APPL2: variants seen among roughly 807,000 people sequenced by gnomAD.
APPL2 encodes the protein adaptor protein, phosphotyrosine interacting with PH domain and leucine zipper 2.
Under a neutral mutation model 92.7 loss-of-function variants are expected in APPL2, and 84 were observed. That is an observed-to-expected ratio of 0.91 (90% CI 0.76 to 1.09). The LOEUF is 1.09. APPL2 is among the 50% of genes least tolerant of loss of function. The pLI is 0.00. For synonymous variants in APPL2, 291 were observed against 291.0 expected, an observed-to-expected ratio of 1.00 and a Z score of 0.00; for missense variants, 736 against 824.5, an observed-to-expected ratio of 0.89 and a Z score of 1.31.
chr12:105,189,910 A>C, intron 15 of APPL2, 81 bp downstream of exon 15: 1 of 1,611,078 alleles, frequency 6.2e-7, no homozygotes, highest in Non-Finnish European at 8.5e-7. Context: ...GAATGGCAAC[A>C]GTCTTTGGTG....
intron 4 of APPL2, 23 bp downstream of exon 4, chr12:105,217,046 A>T: frequency 6.5e-7 from 1 of 1,536,560 alleles, no homozygotes; most frequent in South Asian, 1.2e-5. Context: ...ATCAAATACA[A>T]ATTTTCTATG....
chr12:105,222,084 G>A (rs115506739), intron 2 of APPL2, among the ~76,000 whole-genome samples: 107 of 152,296 alleles, frequency 7.0e-4, no homozygotes, highest in African/African-American at 2.4e-3. Flanking sequence ...GTCACGGGTC[G>A]CACTAGTTCA....
chr12:105,174,093 T>TA lies in APPL2; in HGVS notation c.*220dup, dbSNP rs1885240321. 8.6e-6 allele frequency: 4 copies of TA among 463,120 alleles called. No individual in the cohort carries two copies. Among genetic ancestry groups the TA allele is most frequent in the Non-Finnish European group, 1.4e-5 (4 of 276,978 alleles). The allele number at this position is 463,120 out of a possible 1,614,324, so 28.7% of individuals were successfully genotyped here. The stretch of plus-strand genomic sequence containing the variant: ...TTAGCGCAATCTAAGAAAAAAGACT[T>TA]ACCACAAAGCACCTAAAATAACATT... On this transcript the variant is annotated 3_prime_UTR_variant, in exon 21 of 21. Coordinates refer to ENST00000258530, the MANE Select transcript of APPL2 (RefSeq NM_018171.5).
At chr12:105,174,649 A>C (rs1055031954) in intron 20 of APPL2, among the ~76,000 whole-genome samples, 4 of 152,088 alleles carry the variant, frequency 2.6e-5, no homozygotes, top group African/African-American at 9.7e-5. Context: ...TCTGAGCCAA[A>C]ATATTGTTTA....
At chr12:105,181,648 C>T (rs960085792) in intron 17 of APPL2, among the ~76,000 whole-genome samples, 8 of 151,988 alleles carry the variant, frequency 5.3e-5, no homozygotes, top group Non-Finnish European at 7.4e-5. Context: ...AACTTGTTAT[C>T]GGTCTATTCA....
intron 2 of APPL2, among the ~76,000 whole-genome samples, chr12:105,223,827 G>C (rs1417849543): frequency 6.6e-6 from 1 of 152,180 alleles, no homozygotes; most frequent in Non-Finnish European, 1.5e-5. Context: ...AGCAGAGACT[G>C]ATCTTAGCAT....
At chr12:105,231,647 G>A (rs1261456586) in intron 1 of APPL2, among the ~76,000 whole-genome samples, 2 of 152,196 alleles carry the variant, frequency 1.3e-5, no homozygotes, top group Non-Finnish European at 2.9e-5. Flanking sequence ...AGCCCTGACT[G>A]GAGGCAGGAC....
intron 14 of APPL2, among the ~76,000 whole-genome samples, chr12:105,193,028 C>G: frequency 6.6e-6 from 1 of 152,212 alleles, no homozygotes; most frequent in East Asian, 1.9e-4. Context: ...GAGATAGTAT[C>G]CCTCTCCCCA....
chr12:105,184,283 G>A (rs888642839), intron 17 of APPL2, among the ~76,000 whole-genome samples: 7 of 152,126 alleles, frequency 4.6e-5, no homozygotes, highest in Admixed American at 6.5e-5. Flanking sequence ...CTCATTCTCC[G>A]TCCAATTTTG....
intron 3 of APPL2, 68 bp from the exon 4 acceptor site, chr12:105,217,208 T>G: frequency 9.6e-7 from 1 of 1,040,312 alleles, no homozygotes; most frequent in Non-Finnish European, 1.5e-6. Context: ...AAGCATCACC[T>G]GCAGAACACG....
chr12:105,234,637 G>C lies in APPL2; in HGVS notation c.54+1322C>G, dbSNP rs188699147. ...TTTCTGTGCACCTCAGTTTCCATAA[G>C]TGCAAGGCAAACAGAGATCCTTGTT... On this transcript the variant is annotated intron_variant, in intron 1 of 20. Transcript: ENST00000258530. Among the ~76,000 whole-genome samples, 34 of 152,320 alleles carry C rather than the reference G, an allele frequency of 2.2e-4. No homozygotes were observed. The East Asian group carries it at 6.4e-3, about 28-fold the overall frequency.
chr12:105,219,612 T>A (rs565248429), intron 2 of APPL2, among the ~76,000 whole-genome samples: 2 of 152,352 alleles, frequency 1.3e-5, no homozygotes, highest in African/African-American at 4.8e-5. Flanking sequence ...TTTAAAACAA[T>A]ACCTGAAATC....
chr12:105,189,548 C>T (rs1441631447), intron 16 of APPL2, among the ~76,000 whole-genome samples: 2 of 152,190 alleles, frequency 1.3e-5, no homozygotes, highest in South Asian at 4.1e-4. Context: ...GCTACAAAAA[C>T]GCTATGGCTA....
chr12:105,216,941 A>T lies in APPL2; in HGVS notation c.285+128T>A, dbSNP rs543422338. On this transcript the variant is annotated intron_variant, in intron 4 of 20. Transcript: ENST00000258530. ...CCTCTCCTAGGAAAGGAGCTTTGTA[A>T]GATCAAGAAGTTGAGATACCTTCTC... 142 of 643,742 alleles carry T rather than the reference A, an allele frequency of 2.2e-4. 1 individual carries two copies. In the Middle Eastern group the frequency reaches 3.1e-3, roughly 14 times the overall value. 39.9% of individuals were successfully genotyped at this position (643,742 alleles called of 1,614,324 possible).
At chr12:105,183,165 G>T (rs1886282410) in intron 17 of APPL2, among the ~76,000 whole-genome samples, 1 of 148,912 alleles carries the variant, frequency 6.7e-6, no homozygotes, top group Admixed American at 6.7e-5. Context: ...CACATGAGAT[G>T]GGTCTCCTGA....
At chr12:105,220,612 GACTGGT>G (rs1310836201) in intron 2 of APPL2, among the ~76,000 whole-genome samples, 1 of 152,098 alleles carries the variant, frequency 6.6e-6, no homozygotes, top group Non-Finnish European at 1.5e-5. Flanking sequence ...CTCCTTCAGA[GACTGGT>G]CAACACATAT....
intron 2 of APPL2, among the ~76,000 whole-genome samples, chr12:105,226,837 A>G (rs1179576553): frequency 6.6e-6 from 1 of 152,258 alleles, no homozygotes; most frequent in Admixed American, 6.5e-5. Flanking sequence ...AGGTGAACAC[A>G]TAATTCTTTT....
intron 11 of APPL2, 48 bp from the exon 12 acceptor site, chr12:105,195,675 A>G: frequency 6.3e-7 from 1 of 1,595,264 alleles, no homozygotes; most frequent in South Asian, 1.1e-5. Context: ...GATCTCAGTG[A>G]CTGGGAATTT....
chr12:105,176,070 T>A lies in APPL2; in HGVS notation c.1825A>T (p.Ile609Phe). 4 of 1,591,582 alleles carry A rather than the reference T, an allele frequency of 2.5e-6. 1 individual carries two copies. In the South Asian group the frequency reaches 4.7e-5, roughly 19 times the overall value. The change falls in exon 20 of 21, where the codon ATT (isoleucine) becomes TTT (phenylalanine). Residue 609 changes from isoleucine (I) to phenylalanine (F), a missense_variant. Coordinates refer to ENST00000258530, the MANE Select transcript of APPL2 (RefSeq NM_018171.5). ...TCAATAATTTCTTTTCCCAAATTAA[T>A]AGCATAACATATCTGCAAAAGACAA... ...NSEGEKICYA[I>F]NLGKEIIEVQ...
Sources: gnomAD v4.1 joint callset for allele counts (sites outside exome capture counted in the v4.1 genomes callset) on GRCh38, gnomAD v4.1.1 for gene constraint, MANE v1.5 for transcripts, NCBI Gene and HGNC (gene_info 2026-07-23, HGNC 2026-07-21) for gene names.